Variants in STAT1 observed in about 807,000 individuals in gnomAD.
The protein encoded by STAT1 is signal transducer and activator of transcription 1, also known as signal transducer and activator of transcription 1-alpha/beta.
In STAT1, 24 loss-of-function variants were observed where a neutral mutation model predicts 111.7. That is an observed-to-expected ratio of 0.21 (90% CI 0.16 to 0.30). STAT1 has a LOEUF of 0.30. Ranked by LOEUF, STAT1 falls within the 10% of genes least tolerant of loss-of-function variation. The probability of loss-of-function intolerance (pLI) is 1.00; values close to 1 mark genes in which losing one functional copy is unlikely to be tolerated. For synonymous variants in STAT1, 332 were observed against 326.5 expected, an observed-to-expected ratio of 1.02 and a Z score of -0.18; for missense variants, 351 against 911.9, an observed-to-expected ratio of 0.38 and a Z score of 7.92.
rs770668865 is a variant in STAT1, at chr2:190,998,236, A to G, written c.614T>C (p.Met205Thr). 5.6e-6 allele frequency: 9 copies of G among 1,613,710 alleles called. No individual in the cohort carries two copies. Among genetic ancestry groups the G allele is most frequent in the Non-Finnish European group, 7.6e-6 (9 of 1,179,798 alleles). Residue 205 changes from methionine to threonine, a missense_variant, in exon 8 of 25, where the codon ATG becomes ACG. By Grantham distance (81) the Met-to-Thr change is moderately conservative. Transcript: ENST00000361099. This position sits in a 1 kb window ranked among gnomAD's most constrained non-coding sequence, Gnocchi z 4.1. The part of the protein sequence containing the change: ...EQLLLKKMYL[M>T]LDNKRKEVVH... ...AACTACCTTTCTCTTATTGTCAAGC[A>G]TTAAATACATCTTCTTGAGTAACAG...
rs544867787 is a variant in STAT1, at chr2:190,977,561, C to T, written c.1874-536G>A. ...AATAAACCATGGTTTAATTTACTCC[C>T]GTTCTTATTCCCAGACTGAATTCAG... On this transcript the variant is annotated intron_variant, in intron 21 of 24. Coordinates refer to ENST00000361099, the MANE Select transcript of STAT1 (RefSeq NM_007315.4). The surrounding 1 kb of genome is among the most constrained non-coding windows in gnomAD (Gnocchi z 4.7). Among the ~76,000 whole-genome samples, 4 of 152,302 alleles carry T rather than the reference C, an allele frequency of 2.6e-5. No homozygotes were observed. Among genetic ancestry groups the T allele is most frequent in the East Asian group, 3.9e-4 (2 of 5,188 alleles).
chr2:191,005,664 G>A (rs745372828), intron 5 of STAT1, among the ~76,000 whole-genome samples: 5 of 152,164 alleles, frequency 3.3e-5, no homozygotes, highest in Non-Finnish European at 7.4e-5. Context: ...ATCACCTAGT[G>A]GTGCATTTCT....
In STAT1 at chr2:190,971,871, G is replaced by C. The variant is rs929135928; in HGVS notation, c.2239-1154C>G. Among the ~76,000 whole-genome samples, 2 of 151,812 alleles carry C rather than the reference G, an allele frequency of 1.3e-5. No homozygotes were observed. The highest frequency in any genetic ancestry group is 4.8e-5 in the African/African-American group (2 of 41,330). ...GGGATTACAGGCACACACCACCATGGCTGGCTAATTTTTGTATTTTTAGTA... is the reference window on the plus strand; with the variant it reads ...GGGATTACAGGCACACACCACCATGCCTGGCTAATTTTTGTATTTTTAGTA... On this transcript the variant is annotated intron_variant, in intron 24 of 24. Coordinates refer to ENST00000361099, the MANE Select transcript of STAT1 (RefSeq NM_007315.4). This position sits in a 1 kb window ranked among gnomAD's most constrained non-coding sequence, Gnocchi z 4.1.
intron 2 of STAT1, among the ~76,000 whole-genome samples, chr2:191,011,666 G>C (rs1302394933): frequency 6.6e-6 from 1 of 152,116 alleles, no homozygotes; most frequent in Non-Finnish European, 1.5e-5. Context: ...AATCATGGGG[G>C]CAGTCTCCCC....
Position 190,986,822 on chromosome 2 carries a change from AGAC to A in STAT1, c.1221+29_1221+31del, listed in dbSNP as rs1303549415. On this transcript the variant is annotated intron_variant, in intron 14 of 24. Coordinates refer to ENST00000361099, the MANE Select transcript of STAT1 (RefSeq NM_007315.4). The surrounding 1 kb of genome is among the most constrained non-coding windows in gnomAD (Gnocchi z 5.0). ...ATTGTCAAAAGTCCTAAGAAACCAG[AGAC>A]AACATAGAGAGGAAACTGATGTCCC... 7 of 1,597,436 alleles carry A rather than the reference AGAC, an allele frequency of 4.4e-6. No homozygotes were observed. Among genetic ancestry groups the A allele is most frequent in the Middle Eastern group, 1.7e-4 (1 of 5,986 alleles).
At position 191,006,208 on chromosome 2, in the gene STAT1, A is replaced by G. The variant is rs1694678756; in HGVS notation, c.372+1355T>C. ...ATACTACTTTTAGGATGGAAGCCCC[A>G]TATAATCAAAACTGCCGGCTGAAAA... On this transcript the variant is annotated intron_variant, in intron 5 of 24. Transcript: ENST00000361099. The surrounding 1 kb of genome is among the most constrained non-coding windows in gnomAD (Gnocchi z 4.6). Among the ~76,000 whole-genome samples, 1 of 152,230 alleles carries G rather than the reference A, an allele frequency of 6.6e-6. No individual in the cohort carries two copies. The highest frequency in any genetic ancestry group is 2.1e-4 in the South Asian group (1 of 4,832).
rs1691935482 is a variant in STAT1, at chr2:190,976,759, G to A, written c.2059+81C>T. 7.9e-7 allele frequency: 1 copy of A among 1,260,786 alleles called. No homozygotes were observed. Among genetic ancestry groups the A allele is most frequent in the Admixed American group, 1.7e-5 (1 of 58,130 alleles). The allele number at this position is 1,260,786 out of a possible 1,614,324, so 78.1% of individuals were successfully genotyped here. A position where few individuals can be genotyped will look rare whatever the true frequency, so the allele number is the denominator to read the frequency against. On this transcript the variant is annotated intron_variant, in intron 22 of 24. Coordinates refer to ENST00000361099, the MANE Select transcript of STAT1 (RefSeq NM_007315.4). The surrounding 1 kb of genome is among the most constrained non-coding windows in gnomAD (Gnocchi z 6.0). The stretch of plus-strand genomic sequence containing the variant: ...CTTACCAATTCGAAAGCAAAACACT[G>A]CATGGGTGGAGTTTCAGAATAATCA...
chr2:190,993,355 T>C lies in STAT1; in HGVS notation c.944+1706A>G, dbSNP rs1463127371. 1.7e-5 allele frequency: 18 copies of C among 1,074,144 alleles called. No individual in the cohort carries two copies. Among genetic ancestry groups the C allele is most frequent in the East Asian group, 2.5e-5 (1 of 39,344 alleles). 66.5% of individuals were successfully genotyped at this position (1,074,144 alleles called of 1,614,324 possible). On this transcript the variant is annotated intron_variant, in intron 10 of 24. Transcript: ENST00000361099. This position sits in a 1 kb window ranked among gnomAD's most constrained non-coding sequence, Gnocchi z 4.1. The stretch of plus-strand genomic sequence containing the variant: ...AACTGGAGATGACTGTTCGAAACCT[T>C]TCCTGTTCTGCTGTGTTCCATATTT...
Position 190,979,616 on chromosome 2 carries a change from T to C in STAT1, c.1727+156A>G, listed in dbSNP as rs1210148785. Among the ~76,000 whole-genome samples, 3 of 152,124 alleles carry C rather than the reference T, an allele frequency of 2.0e-5. No individual in the cohort carries two copies. Among genetic ancestry groups the C allele is most frequent in the Non-Finnish European group, 4.4e-5 (3 of 68,020 alleles). Reference sequence around the variant, plus strand: ...AAAGTGTAAGGTTAATGTTATGAGGTTCTACTCTTCTGAAGCCCTGAAGGG... The same window carrying C: ...AAAGTGTAAGGTTAATGTTATGAGGCTCTACTCTTCTGAAGCCCTGAAGGG... On this transcript the variant is annotated intron_variant, in intron 20 of 24. Coordinates refer to ENST00000361099, the MANE Select transcript of STAT1 (RefSeq NM_007315.4). The surrounding 1 kb of genome is among the most constrained non-coding windows in gnomAD (Gnocchi z 5.8).
rs1694227141 is a variant in STAT1 at position 191,000,991 on chromosome 2, G to A, written c.462+83C>T. On this transcript the variant is annotated intron_variant, in intron 6 of 24. Coordinates refer to ENST00000361099, the MANE Select transcript of STAT1 (RefSeq NM_007315.4). The surrounding 1 kb of genome is among the most constrained non-coding windows in gnomAD (Gnocchi z 4.8). The stretch of plus-strand genomic sequence containing the variant: ...TACTTAAAAGACTGAACTCAGTTAC[G>A]AGGTTTACACCCCAAGCAATTGAAA... 18 of 1,140,932 alleles carry A rather than the reference G, an allele frequency of 1.6e-5. No homozygotes were observed. The highest frequency in any genetic ancestry group is 4.7e-5 in the East Asian group (2 of 42,382). The allele number at this position is 1,140,932 out of a possible 1,614,324, so 70.7% of individuals were successfully genotyped here.
rs534893598 is a variant in STAT1, at chr2:190,974,008, C to T, written c.2238+822G>A. Among the ~76,000 whole-genome samples the T allele has an allele frequency of 2.0e-5, 3 of 152,068 alleles. No individual in the cohort carries two copies. The highest frequency in any genetic ancestry group is 4.2e-4 in the South Asian group (2 of 4,818). ...TACTTTTTGCCAGGCACCGGGTATACAGTAAGGAAGAAAGGCCAGTAATAA... is the reference window on the plus strand; with the variant it reads ...TACTTTTTGCCAGGCACCGGGTATATAGTAAGGAAGAAAGGCCAGTAATAA... On this transcript the variant is annotated intron_variant, in intron 24 of 24. Transcript: ENST00000361099. The surrounding 1 kb of genome is among the most constrained non-coding windows in gnomAD (Gnocchi z 4.8).
At position 190,979,849 on chromosome 2, in the gene STAT1, T is replaced by C; in HGVS notation, c.1650A>G (p.Lys550=). Residue 550 remains lysine (K), a synonymous_variant, in exon 20 of 25, where the codon AAA becomes AAG. Coordinates refer to ENST00000361099, the MANE Select transcript of STAT1 (RefSeq NM_007315.4). This position sits in a 1 kb window ranked among gnomAD's most constrained non-coding sequence, Gnocchi z 5.8. ...CAATCCAAAGCCAGAAGGGAAAATT[T>C]TTATCATTTATATTTTCCTGAAAGT... is the stretch of plus-strand genomic sequence containing the variant. ...TRFCKENIND[K]NFPFWLWIES... is the part of the protein sequence containing the mutation. 6.2e-7 allele frequency: 1 copy of C among 1,610,486 alleles called. No homozygotes were observed. The highest frequency in any genetic ancestry group is 8.5e-7 in the Non-Finnish European group (1 of 1,176,742).
Position 191,009,988 on chromosome 2 carries a change from C to T in STAT1, c.16G>A (p.Glu6Lys), listed in dbSNP as rs761876441. 4.3e-6 allele frequency: 7 copies of T among 1,613,784 alleles called. No homozygotes were observed. The highest frequency in any genetic ancestry group is 5.9e-6 in the Non-Finnish European group (7 of 1,179,900). The change falls in exon 3 of 25, where the codon GAA (glutamate) becomes AAA (lysine). Residue 6 changes from glutamate (E) to lysine (K), a missense_variant. Physicochemically the swap from Glu to Lys is moderately conservative, Grantham distance 56 (BLOSUM62 1). Coordinates refer to ENST00000361099, the MANE Select transcript of STAT1 (RefSeq NM_007315.4). MSQWY[E>K]LQQLDSKFLE... ...AATTTTGAGTCAAGCTGCTGAAGTT[C>T]GTACCACTGAGACATCCTATAGGGA...
rs1692751816 is a variant in STAT1 at position 190,985,729 on chromosome 2, T to A, written c.1222-69A>T. ...CAAAGTTGCTATCTTCATTTACAAA[T>A]GAGAACAAAGTTAGGACTAGAAAGA... On this transcript the variant is annotated intron_variant, in intron 14 of 24. Coordinates refer to ENST00000361099, the MANE Select transcript of STAT1 (RefSeq NM_007315.4). The A allele has an allele frequency of 3.0e-5, 46 of 1,509,704 alleles. 1 individual carries two copies. The South Asian group carries it at 4.9e-4, about 16-fold the overall frequency. 93.5% of individuals were successfully genotyped at this position (1,509,704 alleles called of 1,614,324 possible). A position where few individuals can be genotyped will look rare whatever the true frequency, so the allele number is the denominator to read the frequency against.
Position 191,012,085 on chromosome 2 carries a change from T to C in STAT1, c.-2+1440A>G, listed in dbSNP as rs575871315. On this transcript the variant is annotated intron_variant, in intron 2 of 24. Transcript: ENST00000361099. This position sits in a 1 kb window ranked among gnomAD's most constrained non-coding sequence, Gnocchi z 4.0. The stretch of plus-strand genomic sequence containing the variant: ...TCTTAAGGCTGGTTGAGCTAGTACA[T>C]ATGTAGCACCTGGCACAGAAGAGGT... Among the ~76,000 whole-genome samples, 92 of 151,532 alleles carry C rather than the reference T, an allele frequency of 6.1e-4. No homozygotes were observed. Among genetic ancestry groups the C allele is most frequent in the South Asian group, 3.6e-3 (17 of 4,750 alleles).
rs1692809683 is a variant in STAT1, at chr2:190,986,283, G to A, written c.1221+571C>T. On this transcript the variant is annotated intron_variant, in intron 14 of 24. Transcript: ENST00000361099. This position sits in a 1 kb window ranked among gnomAD's most constrained non-coding sequence, Gnocchi z 5.0. ...GAAAGCTTCGGACTCAGCACCCACA[G>A]AGCCTCACAGCAACTGGCAGCCCCC... Among the ~76,000 whole-genome samples, 1 of 152,180 alleles carries A rather than the reference G, an allele frequency of 6.6e-6. No individual in the cohort carries two copies. Among genetic ancestry groups the A allele is most frequent in the Non-Finnish European group, 1.5e-5 (1 of 68,018 alleles).
rs1476880549 is a variant in STAT1 at position 190,989,251 on chromosome 2, T to C, written c.1097+364A>G. 6.6e-6 allele frequency among the ~76,000 whole-genome samples: 1 copy of C among 152,254 alleles called. No individual in the cohort carries two copies. The highest frequency in any genetic ancestry group is 1.5e-5 in the Non-Finnish European group (1 of 68,048). ...CAAGTCCAGCCACTTTGAGACTTGC[T>C]GATTACAATCTCATATGCACAAAGA... On this transcript the variant is annotated intron_variant, in intron 12 of 24. Coordinates refer to ENST00000361099, the MANE Select transcript of STAT1 (RefSeq NM_007315.4). The surrounding 1 kb of genome is among the most constrained non-coding windows in gnomAD (Gnocchi z 5.0).
At position 191,006,100 on chromosome 2, in the gene STAT1, TG is replaced by T. The variant is rs1012904236; in HGVS notation, c.372+1462del. On this transcript the variant is annotated intron_variant, in intron 5 of 24. Transcript: ENST00000361099. The surrounding 1 kb of genome is among the most constrained non-coding windows in gnomAD (Gnocchi z 4.6). The stretch of plus-strand genomic sequence containing the variant: ...AATGTGAGGATGACATGCTTGCAGC[TG>T]GGGGAAACAGGTTGTCCTTCTGCCC... Among the ~76,000 whole-genome samples, 1 of 152,222 alleles carries T rather than the reference TG, an allele frequency of 6.6e-6. No homozygotes were observed. The highest frequency in any genetic ancestry group is 2.4e-5 in the African/African-American group (1 of 41,458).
chr2:190,989,573 T>C lies in STAT1; in HGVS notation c.1097+42A>G. ...GTGCTTGAGTAACAAAATCAACATTTCAATAGTACATGTATGTTATATAAT... is the reference window on the plus strand; with the variant it reads ...GTGCTTGAGTAACAAAATCAACATTCCAATAGTACATGTATGTTATATAAT... On this transcript the variant is annotated intron_variant, in intron 12 of 24. Transcript: ENST00000361099. This position sits in a 1 kb window ranked among gnomAD's most constrained non-coding sequence, Gnocchi z 5.0. The C allele has an allele frequency of 1.6e-6, 2 of 1,222,484 alleles. No individual in the cohort carries two copies. The highest frequency in any genetic ancestry group is 2.3e-6 in the Non-Finnish European group (2 of 852,136). 75.7% of individuals were successfully genotyped at this position (1,222,484 alleles called of 1,614,324 possible).
Sources: allele counts gnomAD v4.1 joint callset (sites outside exome capture counted in the v4.1 genomes callset), GRCh38; gene constraint gnomAD v4.1.1; non-coding constraint Gnocchi (gnomAD v3.1); transcripts MANE v1.5; gene names NCBI Gene and HGNC (gene_info 2026-07-23, HGNC 2026-07-21).